Variants in EYS observed in about 807,000 individuals in gnomAD.
EYS encodes the protein protein eyes shut homolog.
In EYS, 250 loss-of-function variants were observed where a neutral mutation model predicts 282.1. The ratio of observed to expected loss-of-function variants is 0.89; its 90% CI spans 0.80 to 0.98. The LOEUF (loss-of-function observed/expected upper bound fraction) is 0.98, where lower values mean the gene tolerates loss of function less well. Among genes scored for constraint, EYS ranks in the 50% least tolerant of loss-of-function variants. The pLI, the probability that EYS is intolerant of heterozygous loss-of-function variation, is 0.00. For synonymous variants in EYS, 1,355 were observed against 1,282.9 expected, an observed-to-expected ratio of 1.06 and a Z score of -1.20; for missense variants, 4,016 against 3,709.0, an observed-to-expected ratio of 1.08 and a Z score of -2.15.
At position 65,705,989 on chromosome 6, in the gene EYS, A is replaced by T. The variant is rs1166214398; in HGVS notation, c.-448+1146T>A. ...TACCTAAATATTAAGTTTTAAATAA[A>T]AACTTGTTAGAATTGATAATATAAA... is the stretch of plus-strand genomic sequence containing the variant. On this transcript the variant is annotated intron_variant, in intron 1 of 42. Transcript: ENST00000503581. Among the ~76,000 whole-genome samples the T allele has an allele frequency of 2.6e-5, 4 of 151,938 alleles. No individual in the cohort carries two copies. In the East Asian group the frequency reaches 7.7e-4, roughly 29 times the overall value.
chr6:64,055,233 A>G (rs1298561605), intron 33 of EYS, among the ~76,000 whole-genome samples: 1 of 152,056 alleles, frequency 6.6e-6, no homozygotes, highest in African/African-American at 2.4e-5. Context: ...TTTTAATAAG[A>G]TGCTGTAAAA....
At chr6:65,234,482 T>C (rs527715525) in intron 12 of EYS, among the ~76,000 whole-genome samples, 16 of 152,302 alleles carry the variant, frequency 1.1e-4, no homozygotes, top group Admixed American at 3.9e-4. Flanking sequence ...CTATATATTG[T>C]GAAGTGATGT....
At chr6:65,065,598 G>T (rs999612351) in intron 12 of EYS, among the ~76,000 whole-genome samples, 6 of 151,644 alleles carry the variant, frequency 4.0e-5, no homozygotes, top group African/African-American at 9.7e-5. Context: ...CATTAGCCAG[G>T]ATGGTCTCAA....
At chr6:65,329,805 C>T in intron 11 of EYS, 2 of 982,404 alleles carry the variant, frequency 2.0e-6, no homozygotes, top group Non-Finnish European at 2.4e-6. Context: ...TACTTTTGTG[C>T]CATATTCACA....
At chr6:65,430,399 C>T (rs1044501462) in intron 5 of EYS, among the ~76,000 whole-genome samples, 1 of 152,102 alleles carries the variant, frequency 6.6e-6, no homozygotes. Context: ...ACTTGAGTGC[C>T]CACAAACCTC....
chr6:65,189,911 A>T (rs1350991034), intron 12 of EYS, among the ~76,000 whole-genome samples: 1 of 151,814 alleles, frequency 6.6e-6, no homozygotes, highest in Non-Finnish European at 1.5e-5. Flanking sequence ...ACAAAGTCAA[A>T]ACAAGTTGCA....
chr6:64,659,283 G>A (rs1768895052), intron 22 of EYS, among the ~76,000 whole-genome samples: 1 of 152,058 alleles, frequency 6.6e-6, no homozygotes, highest in South Asian at 2.1e-4. Flanking sequence ...AGAGAAAGCA[G>A]GAAAGATTTA....
chr6:64,895,282 T>C (rs1472605027), intron 18 of EYS, among the ~76,000 whole-genome samples: 5 of 152,284 alleles, frequency 3.3e-5, no homozygotes, highest in African/African-American at 1.2e-4. Context: ...GGTACCTGAG[T>C]CCAGCTATGA....
chr6:64,676,109 T>C (rs938041810), intron 22 of EYS, among the ~76,000 whole-genome samples: 3 of 138,202 alleles, frequency 2.2e-5, no homozygotes, highest in Non-Finnish European at 4.7e-5. Flanking sequence ...GAGAGAGCCA[T>C]TTAATCTTCT....
intron 22 of EYS, among the ~76,000 whole-genome samples, chr6:64,790,209 G>A (rs1774148263): frequency 6.6e-6 from 1 of 151,902 alleles, no homozygotes; most frequent in Non-Finnish European, 1.5e-5. Context: ...GCAAAAATGT[G>A]ACAGAAAGAA....
intron 36 of EYS, among the ~76,000 whole-genome samples, chr6:63,836,089 T>C (rs1198250798): frequency 6.6e-6 from 1 of 152,046 alleles, no homozygotes; most frequent in Non-Finnish European, 1.5e-5. Flanking sequence ...GATTATATAC[T>C]TTGGAGTGGA....
At chr6:64,623,837 G>A (rs1008413453) in intron 23 of EYS, among the ~76,000 whole-genome samples, 9 of 151,888 alleles carry the variant, frequency 5.9e-5, no homozygotes, top group African/African-American at 9.7e-5. Flanking sequence ...TTTTACTGTG[G>A]GAATAAAAAT....
intron 28 of EYS, among the ~76,000 whole-genome samples, chr6:64,395,689 G>T (rs561350318): frequency 6.6e-6 from 1 of 151,256 alleles, no homozygotes; most frequent in Admixed American, 6.6e-5. Context: ...TGCTAGATGA[G>T]GAGTTAGTGG....
chr6:65,567,476 T>G (rs922131967), intron 2 of EYS, among the ~76,000 whole-genome samples: 4 of 151,838 alleles, frequency 2.6e-5, no homozygotes, highest in African/African-American at 9.7e-5. Context: ...CTCTGTAGTC[T>G]AAAAAGAGTA....
rs1767965926 is a variant in EYS, at chr6:65,433,789, T to C, written c.863-28422A>G. 2.6e-5 allele frequency among the ~76,000 whole-genome samples: 4 copies of C among 152,238 alleles called. No homozygotes were observed. The South Asian group carries it at 6.2e-4, about 24-fold the overall frequency. ...ATATGCACTTACTTTTTATTTTACT[T>C]GATCACGATTTGGCTCTTTAATTAA... On this transcript the variant is annotated intron_variant, in intron 5 of 42. Coordinates refer to ENST00000503581, the MANE Select transcript of EYS (RefSeq NM_001142800.2).
intron 33 of EYS, among the ~76,000 whole-genome samples, chr6:64,012,216 T>C (rs184678929): frequency 6.6e-6 from 1 of 152,354 alleles, no homozygotes; most frequent in East Asian, 1.9e-4. Context: ...TCTATTGCTC[T>C]GAAGTGAATA....
chr6:65,528,398 G>A (rs144853271), intron 2 of EYS, among the ~76,000 whole-genome samples: 6 of 152,308 alleles, frequency 3.9e-5, no homozygotes, highest in African/African-American at 1.4e-4. Flanking sequence ...TATGATGGAT[G>A]TTATCTACTA....
intron 2 of EYS, among the ~76,000 whole-genome samples, chr6:65,547,680 T>G (rs1406212541): frequency 1.3e-5 from 2 of 152,228 alleles, no homozygotes; most frequent in African/African-American, 4.8e-5. Context: ...TATATATTTA[T>G]GTGCCATTTG....
chr6:63,806,474 C>T, intron 36 of EYS, 102 bp from the exon 37 acceptor site: 1 of 988,716 alleles, frequency 1.0e-6, no homozygotes, highest in Non-Finnish European at 1.5e-6. Context: ...AGTCTGTTTA[C>T]TATTACATTA....
Sources: allele counts gnomAD v4.1 joint callset (sites outside exome capture counted in the v4.1 genomes callset), GRCh38; gene constraint gnomAD v4.1.1; transcripts MANE v1.5; gene names NCBI Gene and HGNC (gene_info 2026-07-23, HGNC 2026-07-21).